Variants in NUAK2 observed in about 807,000 individuals in gnomAD.
The protein encoded by NUAK2 is NUAK family SNF1-like kinase 2.
Under a neutral mutation model 29.8 loss-of-function variants are expected in NUAK2, and 20 were observed. The ratio of observed to expected loss-of-function variants is 0.67; its 90% CI spans 0.47 to 0.98. The LOEUF (loss-of-function observed/expected upper bound fraction) is 0.98, where lower values mean the gene tolerates loss of function less well. Among genes scored for constraint, NUAK2 ranks in the 50% least tolerant of loss-of-function variants. NUAK2 has a pLI of 0.00. For missense variants in NUAK2, 719 were observed against 834.5 expected, an observed-to-expected ratio of 0.86 and a Z score of 1.71; for synonymous variants, 331 against 342.6, an observed-to-expected ratio of 0.97 and a Z score of 0.37.
At position 205,303,532 on chromosome 1, in the gene NUAK2, T is replaced by A. The variant is rs748625665; in HGVS notation, c.1805A>T (p.Asp602Val). The A allele has an allele frequency of 1.2e-6, 2 of 1,613,198 alleles. No individual in the cohort carries two copies. The highest frequency in any genetic ancestry group is 3.3e-5 in the Admixed American group (2 of 59,872). The change falls in exon 7 of 7, where the codon GAC (aspartate) becomes GTC (valine). Residue 602 changes from aspartate to valine, a missense_variant. Physicochemically the swap from Asp to Val is radical, Grantham distance 152. Around this residue, in one of 3 missense-constraint regions of NUAK2, gnomAD observed 430 missense variants for 465.7 expected, o/e 0.92. Coordinates refer to ENST00000367157, the MANE Select transcript of NUAK2 (RefSeq NM_030952.3). ...LRRWRQDPLGDSCFSLTDCQE... is the reference protein window; with the variant it reads ...LRRWRQDPLGVSCFSLTDCQE... ...GCAGTCTGTCAGGGAAAAGCAGCTG[T>A]CCCCCAAAGGATCCTGCCGCCAGCG...
intron 2 of NUAK2, among the ~76,000 whole-genome samples, chr1:205,309,939 C>T (rs1662233839): frequency 1.3e-5 from 2 of 152,216 alleles, no homozygotes; most frequent in South Asian, 4.1e-4. Context: ...GGCCCTCTTG[C>T]CACTTGAAGA....
chr1:205,304,181 A>G lies in NUAK2; in HGVS notation c.1156T>C (p.Ser386Pro), dbSNP rs1662140514. 1 of 1,613,964 alleles carries G rather than the reference A, an allele frequency of 6.2e-7. No homozygotes were observed. The highest frequency in any genetic ancestry group is 1.3e-5 in the African/African-American group (1 of 74,886). The change falls in exon 7 of 7, where the codon TCT becomes CCT. Residue 386 changes from serine (S) to proline (P), a missense_variant. Ser to Pro is a moderately conservative substitution (Grantham distance 74, BLOSUM62 -1). Transcript: ENST00000367157. The surrounding 1 kb of genome is among the most constrained non-coding windows in gnomAD (Gnocchi z 6.5). ...TCATCAGCCGTGTCACTGTGGAGAGACTGGGCCATGTCATTCTCCTTGCGG... is the reference window on the plus strand; with the variant it reads ...TCATCAGCCGTGTCACTGTGGAGAGGCTGGGCCATGTCATTCTCCTTGCGG... ...KSRKENDMAQ[S>P]LHSDTADDTA...
Position 205,321,076 on chromosome 1 carries a change from T to G in NUAK2, c.231+322A>C, listed in dbSNP as rs562375506. On this transcript the variant is annotated intron_variant, in intron 1 of 6. Transcript: ENST00000367157. ...CAGTCTTTTCCCAGCAAAACTCAACTTAAGTCCCATCCATCTTATCCCAGG... is the reference window on the plus strand; with the variant it reads ...CAGTCTTTTCCCAGCAAAACTCAACGTAAGTCCCATCCATCTTATCCCAGG... 3.3e-5 allele frequency among the ~76,000 whole-genome samples: 5 copies of G among 152,306 alleles called. No homozygotes were observed. In the South Asian group the frequency reaches 1.0e-3, roughly 32 times the overall value.
chr1:205,311,637 A>G (rs1320354436), intron 2 of NUAK2, 68 bp downstream of exon 2: 3 of 1,586,468 alleles, frequency 1.9e-6, no homozygotes, highest in Non-Finnish European at 2.6e-6. Flanking sequence ...ACACATGTAC[A>G]TACGCATGTG....
At chr1:205,320,525 C>A (rs1006511900) in intron 1 of NUAK2, among the ~76,000 whole-genome samples, 4 of 151,890 alleles carry the variant, frequency 2.6e-5, no homozygotes, top group African/African-American at 9.7e-5. Flanking sequence ...CGGCCTCCCA[C>A]AGTGCTGGGA....
chr1:205,305,099 T>G (rs1035677026), intron 6 of NUAK2, 100 bp downstream of exon 6: 2 of 1,465,868 alleles, frequency 1.4e-6, no homozygotes, highest in African/African-American at 2.8e-5. Context: ...CATGATGGAC[T>G]GTTGCCCGTT....
At chr1:205,318,511 A>G (rs1461046656) in intron 1 of NUAK2, among the ~76,000 whole-genome samples, 3 of 152,222 alleles carry the variant, frequency 2.0e-5, no homozygotes, top group Non-Finnish European at 4.4e-5. Context: ...GGACCACCTC[A>G]GTCATTTCCA....
intron 2 of NUAK2, among the ~76,000 whole-genome samples, chr1:205,309,063 G>C (rs546906640): frequency 8.1e-4 from 123 of 151,670 alleles, no homozygotes; most frequent in Middle Eastern, 3.4e-3. Context: ...AGGCTCCTTG[G>C]TTCAAGAACC....
At chr1:205,306,079 G>T (rs4951196) in intron 5 of NUAK2, 109 bp downstream of exon 5, 1,429,335 of 1,434,670 alleles carry the variant, frequency 1, 712,106 homozygotes, top group East Asian at 1. Context: ...AGGCTTGAGA[G>T]TTGTGCTCTG....
intron 4 of NUAK2, among the ~76,000 whole-genome samples, chr1:205,306,893 C>A (rs1442706141): frequency 6.6e-6 from 1 of 152,170 alleles, no homozygotes; most frequent in Non-Finnish European, 1.5e-5. Context: ...AACCAATGAA[C>A]CACGTAAGAC....
In NUAK2 at chr1:205,308,672, T is replaced by C; in HGVS notation, c.413A>G (p.Tyr138Cys). The change falls in exon 3 of 7, where the codon TAT (tyrosine) becomes TGT (cysteine). Residue 138 changes from tyrosine to cysteine, a missense_variant. Around this residue, in one of 3 missense-constraint regions of NUAK2, gnomAD observed 283 missense variants for 345.6 expected, o/e 0.82. Transcript: ENST00000367157. The surrounding 1 kb of genome is among the most constrained non-coding windows in gnomAD (Gnocchi z 4.1). ...CTGCTGCCGCTCGCTGATGTAGTCA[T>C]AAAGGTCGCCCCGGCTGGCATACTC... ...VMEYASRGDL[Y>C]DYISERQQLS... 1.2e-6 allele frequency: 2 copies of C among 1,614,090 alleles called. No homozygotes were observed. Among genetic ancestry groups the C allele is most frequent in the Non-Finnish European group, 1.7e-6 (2 of 1,180,024 alleles).
At chr1:205,315,837 C>A (rs1193848726) in intron 1 of NUAK2, among the ~76,000 whole-genome samples, 2 of 151,858 alleles carry the variant, frequency 1.3e-5, no homozygotes, top group African/African-American at 2.4e-5. Flanking sequence ...TGCACCACTG[C>A]ACTCCAGCCT....
Position 205,302,944 on chromosome 1 carries a change from C to CCA in NUAK2, c.*504_*505dup, listed in dbSNP as rs1277100052. On this transcript the variant is annotated 3_prime_UTR_variant, in exon 7 of 7. Coordinates refer to ENST00000367157, the MANE Select transcript of NUAK2 (RefSeq NM_030952.3). ...AAAATAAAAATAACGAAGCGTTACTCCAGACCATTCCCAGGATGCCTCATG... is the reference window on the plus strand; with the variant it reads ...AAAATAAAAATAACGAAGCGTTACTCCACAGACCATTCCCAGGATGCCTCATG... 1 of 152,280 alleles carries CCA rather than the reference C, an allele frequency of 6.6e-6. No individual in the cohort carries two copies. Among genetic ancestry groups the CCA allele is most frequent in the Non-Finnish European group, 1.5e-5 (1 of 68,156 alleles). The allele number at this position is 152,280 out of a possible 1,614,324, so 9.4% of individuals were successfully genotyped here.
intron 1 of NUAK2, among the ~76,000 whole-genome samples, chr1:205,319,118 G>A (rs1323526849): frequency 6.6e-6 from 1 of 152,096 alleles, no homozygotes; most frequent in Non-Finnish European, 1.5e-5. Context: ...GGGGTGGGGT[G>A]GGGAAGAGGC....
intron 1 of NUAK2, among the ~76,000 whole-genome samples, chr1:205,318,554 CAT>C (rs896402444): frequency 2.0e-5 from 3 of 152,218 alleles, no homozygotes; most frequent in Non-Finnish European, 2.9e-5. Flanking sequence ...CACTCCAAAA[CAT>C]AAAAAAGACA....
At chr1:205,315,471 C>T (rs2102258214) in intron 1 of NUAK2, among the ~76,000 whole-genome samples, 1 of 152,348 alleles carries the variant, frequency 6.6e-6, no homozygotes, top group South Asian at 2.1e-4. Context: ...AGATTTTCTC[C>T]TCTTCTTCCT....
intron 2 of NUAK2, among the ~76,000 whole-genome samples, chr1:205,311,329 A>G (rs1174204918): frequency 1.3e-5 from 2 of 152,214 alleles, no homozygotes; most frequent in Non-Finnish European, 2.9e-5. Context: ...CCAGATTGCT[A>G]AGGAGCTCAC....
At position 205,321,395 on chromosome 1, in the gene NUAK2, C is replaced by T; in HGVS notation, c.231+3G>A. On this transcript the variant is annotated splice_donor_region_variant and intron_variant, in intron 1 of 6. Transcript: ENST00000367157. ...CCGCGCCGCGAGAGGGAGCCGCACT[C>T]ACCAGGCGCCCCGAGCTCTCCCGCG... 6.2e-7 allele frequency: 1 copy of T among 1,612,384 alleles called. No individual in the cohort carries two copies. The highest frequency in any genetic ancestry group is 1.1e-5 in the South Asian group (1 of 90,898).
At chr1:205,307,078 T>G (rs1200848493) in intron 4 of NUAK2, among the ~76,000 whole-genome samples, 1 of 152,166 alleles carries the variant, frequency 6.6e-6, no homozygotes. Context: ...ATTGAGGGCT[T>G]GAGAACCCAA....
Sources: allele counts gnomAD v4.1 joint callset (sites outside exome capture counted in the v4.1 genomes callset), GRCh38; gene constraint gnomAD v4.1.1; regional missense constraint gnomAD v4.1.1; non-coding constraint Gnocchi (gnomAD v3.1); transcripts MANE v1.5; gene names NCBI Gene and HGNC (gene_info 2026-07-23, HGNC 2026-07-21).